LAMA5: variants seen among roughly 807,000 people sequenced by gnomAD.
LAMA5 encodes laminin subunit alpha-5.
Under a neutral mutation model 433.4 loss-of-function variants are expected in LAMA5, and 260 were observed. That is an observed-to-expected ratio of 0.60 (90% CI 0.54 to 0.66). LAMA5 has a LOEUF of 0.66. LAMA5 is among the 30% of genes least tolerant of loss of function. The pLI is 0.00. For synonymous variants in LAMA5, 2,620 were observed against 2,226.6 expected (o/e 1.18, Z -4.97); for missense variants, 5,378 against 5,258.5 (o/e 1.02, Z -0.70).
At chr20:62,349,901 G>A (rs573230440) in intron 6 of LAMA5, among the ~76,000 whole-genome samples, 18 of 147,538 alleles carry the variant, frequency 1.2e-4, no homozygotes, top group Admixed American at 6.8e-4. Flanking sequence ...GATGGTGGAG[G>A]TAAAGAGGCA....
chr20:62,349,226 G>T (rs1358103511), intron 6 of LAMA5, among the ~76,000 whole-genome samples: 2 of 137,374 alleles, frequency 1.5e-5, no homozygotes, highest in African/African-American at 5.3e-5. Context: ...AGCCGAGATC[G>T]TGCCACTGCA....
chr20:62,322,511 AGCCAGGGGTCCT>A lies in LAMA5; in HGVS notation c.6166-74_6166-63del. Reference sequence around the variant, plus strand: ...CAAGACTGTCCCAGACCAACCTGGAAGCCAGGGGTCCTGCCCATCTGGCCCCACCCCCTGAGG... The same window carrying A: ...CAAGACTGTCCCAGACCAACCTGGAAGCCCATCTGGCCCCACCCCCTGAGG... On this transcript the variant is annotated intron_variant, in intron 46 of 79. Transcript: ENST00000252999. The A allele has an allele frequency of 5.3e-6, 8 of 1,514,720 alleles. No individual in the cohort carries two copies. In the East Asian group the frequency reaches 9.9e-5, roughly 19 times the overall value. The allele number at this position is 1,514,720 out of a possible 1,614,324, so 93.8% of individuals were successfully genotyped here. A position where few individuals can be genotyped will look rare whatever the true frequency, so the allele number is the denominator to read the frequency against.
rs763861244 is a variant in LAMA5 at position 62,311,971 on chromosome 20, C to A, written c.9584G>T (p.Gly3195Val). The change falls in exon 70 of 80, where the codon GGC becomes GTC. Residue 3195 changes from glycine (G) to valine (V), a missense_variant. Gly to Val is a moderately radical substitution (Grantham distance 109). Coordinates refer to ENST00000252999, the MANE Select transcript of LAMA5 (RefSeq NM_005560.6). ...LLRTEVKTQA[G>V]FADGAPHYVA... ...GTAATGGGGGGCACCATCGGCGAAG[C>A]CCGCTTGAGTTTTCACTTCAGTCCT... 6.2e-7 allele frequency: 1 copy of A among 1,612,704 alleles called. No homozygotes were observed. The highest frequency in any genetic ancestry group is 1.1e-5 in the South Asian group (1 of 91,090).
intron 51 of LAMA5, 145 bp from the exon 52 acceptor site, chr20:62,319,158 C>T: frequency 1.2e-6 from 1 of 819,790 alleles, no homozygotes; most frequent in South Asian, 1.8e-5. Flanking sequence ...GCCCCTAGAG[C>T]ACCTGGCGAA....
Position 62,314,442 on chromosome 20 carries a change from T to C in LAMA5, c.8368-2A>G. On this transcript the variant is annotated splice_acceptor_variant, in intron 61 of 79. Coordinates refer to ENST00000252999, the MANE Select transcript of LAMA5 (RefSeq NM_005560.6). LOFTEE classifies it high-confidence loss of function. ...CACACCCATGTAGTCCCCAGTGGCC[T>C]GCGGCAGTGACAGACACACAGTCGG... 2 of 1,613,240 alleles carry C rather than the reference T, an allele frequency of 1.2e-6. No individual in the cohort carries two copies. Among genetic ancestry groups the C allele is most frequent in the Non-Finnish European group, 1.7e-6 (2 of 1,179,860 alleles).
rs763551279 is a variant in LAMA5 at position 62,311,900 on chromosome 20, G to A, written c.9635+20C>T. The A allele has an allele frequency of 1.9e-6, 3 of 1,601,428 alleles. No homozygotes were observed. The highest frequency in any genetic ancestry group is 1.7e-6 in the Non-Finnish European group (2 of 1,173,626). ...CGTCCCTCCAGACCTTCACGATGAG[G>A]GCCCAGCGGCCAGGCTCACCCCGTG... On this transcript the variant is annotated intron_variant, in intron 70 of 79. Coordinates refer to ENST00000252999, the MANE Select transcript of LAMA5 (RefSeq NM_005560.6).
In LAMA5 at chr20:62,324,031, A is replaced by AG; in HGVS notation, c.5768+48dup. On this transcript the variant is annotated intron_variant, in intron 43 of 79. Coordinates refer to ENST00000252999, the MANE Select transcript of LAMA5 (RefSeq NM_005560.6). This position sits in a 1 kb window ranked among gnomAD's most constrained non-coding sequence, Gnocchi z 4.4. ...GGGAACCCACCCCGCTGCTGGGTGA[A>AG]GGGAGCCTGGCACCATCAGGGCCTC... is the stretch of plus-strand genomic sequence containing the variant. 1 of 1,468,106 alleles carries AG rather than the reference A, an allele frequency of 6.8e-7. No homozygotes were observed. Among genetic ancestry groups the AG allele is most frequent in the Non-Finnish European group, 9.0e-7 (1 of 1,110,174 alleles). The allele number at this position is 1,468,106 out of a possible 1,614,324, so 90.9% of individuals were successfully genotyped here.
At position 62,329,832 on chromosome 20, in the gene LAMA5, G is replaced by T. The variant is rs1368836464; in HGVS notation, c.4064C>A (p.Thr1355Asn). The T allele has an allele frequency of 6.2e-7, 1 of 1,612,442 alleles. No homozygotes were observed. Among genetic ancestry groups the T allele is most frequent in the Non-Finnish European group, 8.5e-7 (1 of 1,179,796 alleles). ...VCEGQALLDV[T>N]HSELTVTVRV... ...CACGGTCACAGTGAGCTCGCTGTGG[G>T]TCACGTCCAGCAGGGCCTGGCCCTC... is the stretch of plus-strand genomic sequence containing the variant. Residue 1355 changes from threonine (T) to asparagine (N), a missense_variant, in exon 32 of 80, where the codon ACC (threonine) becomes AAC (asparagine). Physicochemically the swap from Thr to Asn is moderately conservative, Grantham distance 65. Transcript: ENST00000252999.
chr20:62,327,729 CTG>C lies in LAMA5; in HGVS notation c.4798-62_4798-61del, dbSNP rs1979563064. 1.8e-5 allele frequency: 29 copies of C among 1,597,492 alleles called. No individual in the cohort carries two copies. The South Asian group carries it at 3.2e-4, about 18-fold the overall frequency. On this transcript the variant is annotated intron_variant, in intron 36 of 79. Coordinates refer to ENST00000252999, the MANE Select transcript of LAMA5 (RefSeq NM_005560.6). Reference sequence around the variant, plus strand: ...GTGCCAGGTGCCTGACCCCGGGTTCCTGGTACCCACCTGCCAATGGGGATGAC... The same window carrying C: ...GTGCCAGGTGCCTGACCCCGGGTTCCGTACCCACCTGCCAATGGGGATGAC...
chr20:62,318,305 A>AG, intron 53 of LAMA5, 149 bp downstream of exon 53: 2 of 186,804 alleles, frequency 1.1e-5, no homozygotes, highest in South Asian at 7.2e-5. Context: ...GGAGGGGGGG[A>AG]AGAAGAGGAG....
In LAMA5 at chr20:62,314,419, C is replaced by T. The variant is rs200140507; in HGVS notation, c.8389G>A (p.Val2797Met). ...SRQATGDYMGVSLRDKKVHWV... is the reference protein window; with the variant it reads ...SRQATGDYMGMSLRDKKVHWV... ...TGCACCTTCTTGTCACGCAGAGACA[C>T]ACCCATGTAGTCCCCAGTGGCCTGC... The change falls in exon 62 of 80, where the codon GTG (valine) becomes ATG (methionine). Residue 2797 changes from valine to methionine, a missense_variant. Val to Met is a conservative substitution (Grantham distance 21). Coordinates refer to ENST00000252999, the MANE Select transcript of LAMA5 (RefSeq NM_005560.6). The T allele has an allele frequency of 1.9e-4, 307 of 1,613,396 alleles. 2 individuals are homozygous for T. Among genetic ancestry groups the T allele is most frequent in the Non-Finnish European group, 2.2e-4 (261 of 1,179,962 alleles).
At chr20:62,319,879 C>T (rs762146311) in intron 50 of LAMA5, 84 bp from the exon 51 acceptor site, 8 of 1,049,832 alleles carry the variant, frequency 7.6e-6, no homozygotes, top group African/African-American at 3.1e-5. Flanking sequence ...TGGGGGAGCG[C>T]CGAGGGTCCC....
At chr20:62,325,290 G>A (rs374422044) in intron 41 of LAMA5, 26 bp downstream of exon 41, 116 of 1,479,976 alleles carry the variant, frequency 7.8e-5, no homozygotes, top group Middle Eastern at 2.3e-4. Context: ...GAGCCGCCTC[G>A]CAGTCTGGTG....
In LAMA5 at chr20:62,325,442, C is replaced by G; in HGVS notation, c.5403G>C (p.Gln1801His). Reference protein sequence around the residue: ...EQLQIRALFSQISSAVFLRRV... With the variant: ...EQLQIRALFSHISSAVFLRRV... ...TGCGCAGGAAGACAGCCGAGGAGATCTGTGAGAAGAGGGCACGGATCTGCA... is the reference window on the plus strand; with the variant it reads ...TGCGCAGGAAGACAGCCGAGGAGATGTGTGAGAAGAGGGCACGGATCTGCA... The change falls in exon 41 of 80, where the codon CAG becomes CAC. Residue 1801 changes from glutamine (Q) to histidine (H), a missense_variant. Gln to His is a conservative substitution (Grantham distance 24). Transcript: ENST00000252999. The G allele has an allele frequency of 6.2e-7, 1 of 1,612,588 alleles. No individual in the cohort carries two copies. The highest frequency in any genetic ancestry group is 1.1e-5 in the South Asian group (1 of 91,072).
At chr20:62,364,229 G>A (rs749575550) in intron 1 of LAMA5, among the ~76,000 whole-genome samples, 77 of 152,290 alleles carry the variant, frequency 5.1e-4, no homozygotes, top group Admixed American at 1.2e-3. Flanking sequence ...ATGACAGCAC[G>A]GCGCACACAG....
At chr20:62,346,838 A>C (rs753578714) in intron 7 of LAMA5, 38 bp from the exon 8 acceptor site, 2 of 1,607,256 alleles carry the variant, frequency 1.2e-6, no homozygotes, top group Non-Finnish European at 1.7e-6. Context: ...CACGCCCTCC[A>C]CAGGCCCGGG....
Position 62,351,894 on chromosome 20 carries a change from C to T in LAMA5, c.858+15G>A. The T allele has an allele frequency of 6.3e-7, 1 of 1,589,302 alleles. No homozygotes were observed. Among genetic ancestry groups the T allele is most frequent in the South Asian group, 1.1e-5 (1 of 88,370 alleles). On this transcript the variant is annotated intron_variant, in intron 5 of 79. Coordinates refer to ENST00000252999, the MANE Select transcript of LAMA5 (RefSeq NM_005560.6). The stretch of plus-strand genomic sequence containing the variant: ...GGCCAGTCCCCCTCCCCCGCCTGCG[C>T]CATGGGCAGCTCACCCGGCGGGTGA...
chr20:62,310,481 C>A lies in LAMA5; in HGVS notation c.10538G>T (p.Cys3513Phe). ...GCCCGCCTCCAGGGGGCCCAAGATG[C>A]AGGGTGTGACCCCTGCCATCCGTGT... Reference protein sequence around the residue: ...APTRMAGVTPCILGPLEAGLF... With the variant: ...APTRMAGVTPFILGPLEAGLF... Residue 3513 changes from cysteine to phenylalanine, a missense_variant, in exon 76 of 80, where the codon TGC (cysteine) becomes TTC (phenylalanine). Transcript: ENST00000252999. 1.9e-6 allele frequency: 3 copies of A among 1,587,556 alleles called. No homozygotes were observed. The highest frequency in any genetic ancestry group is 2.6e-6 in the Non-Finnish European group (3 of 1,170,324).
chr20:62,336,932 A>G (rs955360147), intron 16 of LAMA5, 146 bp from the exon 17 acceptor site: 2 of 767,494 alleles, frequency 2.6e-6, no homozygotes, highest in African/African-American at 3.4e-5. Context: ...GCCTGAAAAC[A>G]CGCACCTCCC....
Sources: allele counts gnomAD v4.1 joint callset (sites outside exome capture counted in the v4.1 genomes callset), GRCh38; gene constraint gnomAD v4.1.1; non-coding constraint Gnocchi (gnomAD v3.1); transcripts MANE v1.5; gene names NCBI Gene and HGNC (gene_info 2026-07-23, HGNC 2026-07-21).